Variants in ZIM2 observed in about 807,000 individuals in gnomAD.
ZIM2 encodes zinc finger imprinted 2.
Under a neutral mutation model 38.6 loss-of-function variants are expected in ZIM2, and 14 were observed. The ratio of observed to expected loss-of-function variants is 0.36; its 90% CI spans 0.24 to 0.57. The LOEUF (loss-of-function observed/expected upper bound fraction) is 0.57, where lower values mean the gene tolerates loss of function less well. ZIM2 is among the 20% of genes least tolerant of loss of function. The probability of loss-of-function intolerance (pLI) is 0.81; values close to 1 mark genes in which losing one functional copy is unlikely to be tolerated. For synonymous variants in ZIM2, 247 were observed against 245.8 expected, an observed-to-expected ratio of 1.00 and a Z score of -0.04; for missense variants, 680 against 695.1, an observed-to-expected ratio of 0.98 and a Z score of 0.24.
At chr19:56,795,867 C>T (rs1180083960) in intron 9 of ZIM2, among the ~76,000 whole-genome samples, 1 of 152,018 alleles carries the variant, frequency 6.6e-6, no homozygotes. Context: ...AACAAAACAA[C>T]AAAAAAACTA....
At chr19:56,788,661 G>A (rs1164953363) in intron 10 of ZIM2, among the ~76,000 whole-genome samples, 1 of 152,034 alleles carries the variant, frequency 6.6e-6, no homozygotes, top group Admixed American at 6.6e-5. Context: ...TTTTTGTGGT[G>A]GTCTCTGTAT....
intron 2 of ZIM2, among the ~76,000 whole-genome samples, chr19:56,833,972 G>A (rs182704342): frequency 6.6e-6 from 1 of 152,240 alleles, no homozygotes; most frequent in East Asian, 1.9e-4. Context: ...AAATCTCCTT[G>A]TTGTTGTCCA....
intron 10 of ZIM2, among the ~76,000 whole-genome samples, chr19:56,789,262 A>C (rs1000559398): frequency 2.0e-5 from 3 of 152,242 alleles, no homozygotes; most frequent in African/African-American, 7.2e-5. Context: ...TTTGTAGTTC[A>C]TCTAAAATTC....
chr19:56,812,589 G>C (rs751023756), intron 9 of ZIM2: 20 of 985,642 alleles, frequency 2.0e-5, no homozygotes, highest in Non-Finnish European at 2.4e-5. Flanking sequence ...AAGCCATGTT[G>C]CTACTTGTCA....
chr19:56,784,670 A>C (rs958294451), intron 10 of ZIM2, among the ~76,000 whole-genome samples: 61 of 152,354 alleles, frequency 4.0e-4, no homozygotes, highest in African/African-American at 1.3e-3. Flanking sequence ...CACTGGAATA[A>C]GGAGTTTTGA....
intron 2 of ZIM2, among the ~76,000 whole-genome samples, chr19:56,834,008 T>A (rs2061829365): frequency 1.3e-5 from 2 of 152,164 alleles, no homozygotes; most frequent in Admixed American, 1.3e-4. Context: ...CCCAAAAGTT[T>A]AGAAAGAGAG....
chr19:56,815,100 C>G, intron 9 of ZIM2: 2 of 1,613,788 alleles, frequency 1.2e-6, no homozygotes, highest in South Asian at 1.1e-5. Context: ...CCACAAAGCC[C>G]AGGCCACAGT....
rs527639406 is a variant in ZIM2 at position 56,794,318 on chromosome 19, A to C, written c.491-4367T>G. ...ACAAACCTTCATTTCTTCTGTAATC[A>C]CAGAAATAAAACATACCTTCCATAA... On this transcript the variant is annotated intron_variant, in intron 9 of 12. Coordinates refer to ENST00000629319, the MANE Select transcript of ZIM2 (RefSeq NM_001387356.1). Among the ~76,000 whole-genome samples the C allele has an allele frequency of 9.2e-5, 14 of 152,326 alleles. No individual in the cohort carries two copies. In the South Asian group the frequency reaches 2.9e-3, roughly 32 times the overall value.
intron 1 of ZIM2, among the ~76,000 whole-genome samples, chr19:56,836,800 G>C (rs541142303): frequency 6.6e-6 from 1 of 152,040 alleles, no homozygotes; most frequent in Non-Finnish European, 1.5e-5. Context: ...GAAACCCCTG[G>C]TCTACTAAAA....
intron 12 of ZIM2, among the ~76,000 whole-genome samples, chr19:56,776,333 C>T (rs1387069834): frequency 2.0e-5 from 3 of 152,104 alleles, no homozygotes; most frequent in Non-Finnish European, 4.4e-5. Context: ...ATGAAGGGGG[C>T]TCCACTGTCA....
intron 1 of ZIM2, among the ~76,000 whole-genome samples, chr19:56,839,474 GC>G (rs1315353486): frequency 8.0e-5 from 12 of 150,764 alleles, no homozygotes; most frequent in Non-Finnish European, 1.3e-4. Flanking sequence ...CTTCAGCCTT[GC>G]CCCGCCCCAT....
In ZIM2 at chr19:56,815,353, C is replaced by G. The variant is rs36044899; in HGVS notation, c.490+2393G>C. The G allele has an allele frequency of 3.7e-6, 6 of 1,614,036 alleles. 1 individual carries two copies. The highest frequency in any genetic ancestry group is 2.5e-6 in the Non-Finnish European group (3 of 1,180,034). On this transcript the variant is annotated intron_variant, in intron 9 of 12. Transcript: ENST00000629319. ...TTGTCTGAAGTCCTTACATTTGTTC[C>G]GCGCTTGCTCTTTAGCATACTGCTC... is the stretch of plus-strand genomic sequence containing the variant.
chr19:56,824,946 C>T (rs1279306170), intron 3 of ZIM2: 8 of 322,522 alleles, frequency 2.5e-5, no homozygotes, highest in South Asian at 7.9e-5. Flanking sequence ...GGAGTTAGCT[C>T]GGCTACTAAC....
chr19:56,830,547 A>G lies in ZIM2; in HGVS notation c.-226-4084T>C, dbSNP rs555628954. Reference sequence around the variant, plus strand: ...AAGTGGGGACAAGGAAGGGACAGCTATACCACAACTACAATTTAACATGAC... The same window carrying G: ...AAGTGGGGACAAGGAAGGGACAGCTGTACCACAACTACAATTTAACATGAC... On this transcript the variant is annotated intron_variant, in intron 2 of 12. Coordinates refer to ENST00000629319, the MANE Select transcript of ZIM2 (RefSeq NM_001387356.1). Among the ~76,000 whole-genome samples the G allele has an allele frequency of 3.9e-5, 6 of 152,354 alleles. No homozygotes were observed. In the South Asian group the frequency reaches 1.2e-3, roughly 32 times the overall value.
intron 1 of ZIM2, among the ~76,000 whole-genome samples, chr19:56,837,104 G>A (rs2062223682): frequency 1.3e-5 from 2 of 152,080 alleles, no homozygotes; most frequent in Admixed American, 6.5e-5. Flanking sequence ...GCCAGGGCTA[G>A]GTAAGTGAGC....
chr19:56,805,112 G>A (rs1462196446), intron 9 of ZIM2, among the ~76,000 whole-genome samples: 2 of 152,118 alleles, frequency 1.3e-5, no homozygotes, highest in African/African-American at 2.4e-5. Context: ...ATTTTGGGTC[G>A]GTTCATTCTG....
At chr19:56,818,803 T>C (rs2060214372) in intron 7 of ZIM2, 101 bp from the exon 8 acceptor site, 42 of 1,339,170 alleles carry the variant, frequency 3.1e-5, no homozygotes, top group Middle Eastern at 2.5e-4. Flanking sequence ...TGAAGTTATA[T>C]AGGAAGTGCT....
chr19:56,801,500 A>G (rs760295504), intron 9 of ZIM2, among the ~76,000 whole-genome samples: 6 of 152,104 alleles, frequency 3.9e-5, no homozygotes, highest in Non-Finnish European at 7.4e-5. Context: ...TCCCTTCACA[A>G]CTTCAGAGCT....
rs565306797 is a variant in ZIM2, at chr19:56,824,439, C to T, written c.-150-12G>A. 53 of 1,613,954 alleles carry T rather than the reference C, an allele frequency of 3.3e-5. No homozygotes were observed. Among genetic ancestry groups the T allele is most frequent in the Non-Finnish European group, 4.2e-5 (49 of 1,180,028 alleles). ...GTGCGGGTCTCCGGCTGCAACCAAT[C>T]GAGGCAGAGGTTTCGGAGTTTGATC... On this transcript the variant is annotated splice_polypyrimidine_tract_variant and intron_variant, in intron 3 of 12. Transcript: ENST00000629319.
Sources: allele counts gnomAD v4.1 joint callset (sites outside exome capture counted in the v4.1 genomes callset), GRCh38; gene constraint gnomAD v4.1.1; transcripts MANE v1.5; gene names NCBI Gene and HGNC (gene_info 2026-07-23, HGNC 2026-07-21).